Variants in PIK3C3 observed in about 807,000 individuals in gnomAD.
The protein encoded by PIK3C3 is phosphatidylinositol 3-kinase catalytic subunit type 3.
In PIK3C3, 95 loss-of-function variants were observed where a neutral mutation model predicts 126.1. The ratio of observed to expected loss-of-function variants is 0.75; its 90% CI spans 0.64 to 0.89. The LOEUF (loss-of-function observed/expected upper bound fraction) is 0.89. Among genes scored for constraint, PIK3C3 ranks in the 40% least tolerant of loss-of-function variants. PIK3C3 has a pLI of 0.00. For synonymous variants in PIK3C3, 374 were observed against 360.0 expected, an observed-to-expected ratio of 1.04 and a Z score of -0.44; for missense variants, 829 against 1,063.2, an observed-to-expected ratio of 0.78 and a Z score of 3.06.
Position 42,057,908 on chromosome 18 carries a change from A to T in PIK3C3, c.2289A>T (p.Gly763=). The T allele has an allele frequency of 6.2e-7, 1 of 1,613,652 alleles. No homozygotes were observed. The highest frequency in any genetic ancestry group is 8.5e-7 in the Non-Finnish European group (1 of 1,179,822). The change falls in exon 22 of 25, where the codon GGA becomes GGT. Residue 763 remains glycine (G), a synonymous_variant. Coordinates refer to ENST00000262039, the MANE Select transcript of PIK3C3 (RefSeq NM_002647.4). ...GCAAACTCTTCCACATAGACTTTGG[A>T]TATATTTTGGGTCGGGATCCAAAGC... is the stretch of plus-strand genomic sequence containing the variant. ...KTGKLFHIDF[G]YILGRDPKPL...
chr18:41,987,723 T>C, intron 4 of PIK3C3, 89 bp from the exon 5 acceptor site: 1 of 778,396 alleles, frequency 1.3e-6, no homozygotes, highest in Non-Finnish European at 2.3e-6. Context: ...AAGTATCATA[T>C]GTGAAGTGTA....
intron 18 of PIK3C3, among the ~76,000 whole-genome samples, chr18:42,039,143 A>G (rs1271828957): frequency 2.0e-5 from 3 of 152,040 alleles, no homozygotes; most frequent in African/African-American, 4.8e-5. Context: ...ACACACACAA[A>G]CCATTTAAGT....
intron 9 of PIK3C3, among the ~76,000 whole-genome samples, chr18:42,001,142 A>G (rs995122635): frequency 6.6e-6 from 1 of 152,248 alleles, no homozygotes; most frequent in Non-Finnish European, 1.5e-5. Flanking sequence ...TGATTTTCAG[A>G]TCAAATGAAT....
chr18:42,010,692 A>G (rs553678990), intron 10 of PIK3C3, among the ~76,000 whole-genome samples: 21 of 152,052 alleles, frequency 1.4e-4, no homozygotes, highest in Admixed American at 3.9e-4. Context: ...GTTAGAATCA[A>G]CTTCTTCCAA....
At chr18:41,993,515 A>G (rs994610669) in intron 7 of PIK3C3, among the ~76,000 whole-genome samples, 174 bp downstream of exon 7, 1 of 152,144 alleles carries the variant, frequency 6.6e-6, no homozygotes, top group African/African-American at 2.4e-5. Flanking sequence ...TTTTATGAGG[A>G]ATATTAACAT....
intron 3 of PIK3C3, among the ~76,000 whole-genome samples, chr18:41,969,609 A>G (rs1407700193): frequency 6.6e-6 from 1 of 152,230 alleles, no homozygotes; most frequent in Non-Finnish European, 1.5e-5. Context: ...TGAATCTACT[A>G]TTGTATTCAC....
chr18:42,057,747 CGAA>C (rs1335360014), intron 21 of PIK3C3, 133 bp from the exon 22 acceptor site: 28 of 733,262 alleles, frequency 3.8e-5, no homozygotes, highest in Non-Finnish European at 5.7e-5. Context: ...TTAGAAATAT[CGAA>C]GAATTTAATA....
chr18:42,068,949 C>CG (rs1555642256), intron 24 of PIK3C3, among the ~76,000 whole-genome samples: 1 of 82,252 alleles, frequency 1.2e-5, no homozygotes, highest in Non-Finnish European at 2.4e-5. Context: ...GACTCCGTCT[C>CG]AAAAAAAAAA....
intron 14 of PIK3C3, 99 bp downstream of exon 14, chr18:42,027,647 ATATT>A (rs1983632151): frequency 3.9e-6 from 2 of 511,464 alleles, no homozygotes; most frequent in Admixed American, 7.5e-5. Context: ...ATGGTTTTAT[ATATT>A]TATTTTTATT....
intron 4 of PIK3C3, among the ~76,000 whole-genome samples, chr18:41,974,818 G>A (rs984224758): frequency 6.6e-6 from 1 of 152,034 alleles, no homozygotes; most frequent in Non-Finnish European, 1.5e-5. Flanking sequence ...ATCCACCTGG[G>A]GTTTTGGATG....
intron 22 of PIK3C3, among the ~76,000 whole-genome samples, chr18:42,061,175 T>A (rs528730453): frequency 1.3e-5 from 2 of 152,084 alleles, no homozygotes; most frequent in Non-Finnish European, 2.9e-5. Context: ...ACCTGCTTCT[T>A]TCTAAAAATC....
intron 9 of PIK3C3, among the ~76,000 whole-genome samples, chr18:42,003,997 A>C (rs1982417912): frequency 6.6e-6 from 1 of 152,196 alleles, no homozygotes; most frequent in Non-Finnish European, 1.5e-5. Flanking sequence ...TGTAAAATAT[A>C]GGTTTTCTCT....
intron 3 of PIK3C3, among the ~76,000 whole-genome samples, chr18:41,963,620 A>G (rs77863830): frequency 0.01 from 1,551 of 152,258 alleles, 14 homozygotes; most frequent in Non-Finnish European, 0.016. Flanking sequence ...AATGCTATAG[A>G]TCTGTCTGGA....
chr18:42,057,069 C>T (rs940484794), intron 21 of PIK3C3, among the ~76,000 whole-genome samples: 3 of 141,152 alleles, frequency 2.1e-5, no homozygotes, highest in South Asian at 2.6e-4. Context: ...CCCCCCCCCC[C>T]GTGTTGACAT....
chr18:41,971,846 G>T (rs928153240), intron 4 of PIK3C3, among the ~76,000 whole-genome samples: 4 of 152,010 alleles, frequency 2.6e-5, no homozygotes, highest in African/African-American at 9.7e-5. Flanking sequence ...TTCTAAGTCT[G>T]AGGGGGAATG....
intron 10 of PIK3C3, among the ~76,000 whole-genome samples, chr18:42,007,824 TAATG>T (rs1299894358): frequency 6.6e-6 from 1 of 152,218 alleles, no homozygotes; most frequent in African/African-American, 2.4e-5. Context: ...CTGCAAGTAA[TAATG>T]GTGAATAAAA....
At chr18:42,052,375 C>T (rs559778624) in intron 21 of PIK3C3, among the ~76,000 whole-genome samples, 53 of 152,272 alleles carry the variant, frequency 3.5e-4, no homozygotes, top group Admixed American at 1.2e-3. Context: ...TACCCTAAAA[C>T]GTGCATAAGT....
At chr18:41,971,404 A>G (rs1368000532) in intron 4 of PIK3C3, 1 of 152,096 alleles carries the variant, frequency 6.6e-6, no homozygotes, top group African/African-American at 2.4e-5. Flanking sequence ...AATTTTTGTC[A>G]AGTTCATTTT....
chr18:41,992,354 C>T (rs543702534), intron 6 of PIK3C3, among the ~76,000 whole-genome samples: 79 of 152,120 alleles, frequency 5.2e-4, no homozygotes, highest in Non-Finnish European at 9.0e-4. Context: ...TAAACAACGG[C>T]TGTGGGAATT....
Sources: allele counts gnomAD v4.1 joint callset (sites outside exome capture counted in the v4.1 genomes callset), GRCh38; gene constraint gnomAD v4.1.1; transcripts MANE v1.5; gene names NCBI Gene and HGNC (gene_info 2026-07-23, HGNC 2026-07-21).